COL22A1: variants seen among roughly 807,000 people sequenced by gnomAD.
The protein encoded by COL22A1 is collagen alpha-1(XXII) chain.
COL22A1 carries 221 observed loss-of-function variants against 248.9 expected under a neutral mutation model. The observed-to-expected ratio is 0.89, with a 90% confidence interval of 0.80 to 0.99. The LOEUF is 0.99. Ranked by LOEUF, COL22A1 falls within the 50% of genes least tolerant of loss-of-function variation. COL22A1 has a pLI of 0.00. For synonymous variants in COL22A1, 891 were observed against 793.4 expected, an observed-to-expected ratio of 1.12 and a Z score of -2.07; for missense variants, 2,240 against 2,179.0, an observed-to-expected ratio of 1.03 and a Z score of -0.56.
chr8:138,857,694 G>A (rs1822147910), intron 3 of COL22A1, among the ~76,000 whole-genome samples: 1 of 152,224 alleles, frequency 6.6e-6, no homozygotes, highest in South Asian at 2.1e-4. Context: ...GGTTCCCTCT[G>A]GAATCAATGT....
At chr8:138,640,151 T>A (rs1487712178) in intron 47 of COL22A1, among the ~76,000 whole-genome samples, 1 of 152,232 alleles carries the variant, frequency 6.6e-6, no homozygotes, top group East Asian at 1.9e-4. Context: ...TCTGGTTTAA[T>A]GCTATTCAAT....
intron 16 of COL22A1, among the ~76,000 whole-genome samples, chr8:138,766,421 A>G (rs182208001): frequency 4.6e-5 from 7 of 151,974 alleles, no homozygotes; most frequent in Admixed American, 2.0e-4. Flanking sequence ...GAGGGAAGGA[A>G]ATAAGTGAGA....
chr8:138,744,369 G>C (rs532055718), intron 22 of COL22A1, among the ~76,000 whole-genome samples: 12 of 152,106 alleles, frequency 7.9e-5, no homozygotes, highest in Admixed American at 3.3e-4. Context: ...GCATCCTATC[G>C]GACAGGCATG....
intron 32 of COL22A1, among the ~76,000 whole-genome samples, chr8:138,695,951 G>A (rs767488868): frequency 6.6e-6 from 1 of 152,094 alleles, no homozygotes; most frequent in Non-Finnish European, 1.5e-5. Context: ...CATACAGCCT[G>A]TCTTGGGAGC....
intron 40 of COL22A1, among the ~76,000 whole-genome samples, chr8:138,679,092 AT>A (rs1825774396): frequency 1.3e-5 from 2 of 151,966 alleles, no homozygotes; most frequent in African/African-American, 2.4e-5. Context: ...AATTTTTGAC[AT>A]TTTTTATAGG....
chr8:138,825,521 G>C (rs185469628), intron 6 of COL22A1, among the ~76,000 whole-genome samples: 102 of 152,172 alleles, frequency 6.7e-4, no homozygotes, highest in Non-Finnish European at 8.2e-4. Context: ...TATTCACAGA[G>C]TTATTATGAA....
chr8:138,863,070 T>C (rs1158366945), intron 3 of COL22A1, among the ~76,000 whole-genome samples: 1 of 152,204 alleles, frequency 6.6e-6, no homozygotes, highest in East Asian at 1.9e-4. Context: ...AGGATATAAA[T>C]TGCTGGGTCT....
chr8:138,805,732 G>T (rs1446393091), intron 10 of COL22A1, among the ~76,000 whole-genome samples: 2 of 147,190 alleles, frequency 1.4e-5, no homozygotes, highest in Admixed American at 6.7e-5. Context: ...GTGATGGTGT[G>T]TGTATATGTG....
At chr8:138,661,340 C>T (rs1430016822) in intron 43 of COL22A1, among the ~76,000 whole-genome samples, 1 of 152,192 alleles carries the variant, frequency 6.6e-6, no homozygotes, top group East Asian at 1.9e-4. Context: ...ACTAAAACTA[C>T]AGAGATGAAA....
chr8:138,838,729 ATG>A (rs1428809364), intron 4 of COL22A1, among the ~76,000 whole-genome samples: 1 of 152,154 alleles, frequency 6.6e-6, no homozygotes, highest in African/African-American at 2.4e-5. Context: ...AGAATAAAAA[ATG>A]TTCCCGAGGA....
chr8:138,591,528 T>A, intron 63 of COL22A1, 27 bp from the exon 64 acceptor site: 7 of 1,507,278 alleles, frequency 4.6e-6, no homozygotes, highest in Admixed American at 2.0e-5. Flanking sequence ...GCACTTTTGA[T>A]GGTGGAGACC....
intron 30 of COL22A1, among the ~76,000 whole-genome samples, chr8:138,713,561 C>G (rs898701107): frequency 6.6e-6 from 1 of 152,170 alleles, no homozygotes. Flanking sequence ...ACATCTCGTG[C>G]ATGTGCGGTT....
intron 55 of COL22A1, 58 bp downstream of exon 55, chr8:138,615,943 T>C (rs1819279214): frequency 7.6e-7 from 1 of 1,319,308 alleles, no homozygotes; most frequent in East Asian, 2.3e-5. Flanking sequence ...GGGTGTCACT[T>C]CCTTGATACA....
intron 57 of COL22A1, among the ~76,000 whole-genome samples, chr8:138,607,150 T>C (rs1035989628): frequency 5.9e-5 from 9 of 152,126 alleles, no homozygotes; most frequent in African/African-American, 1.7e-4. Context: ...GATTTTCCAG[T>C]TGGGAAAGTT....
At chr8:138,771,063 G>T (rs760675036) in intron 16 of COL22A1, among the ~76,000 whole-genome samples, 5 of 152,222 alleles carry the variant, frequency 3.3e-5, no homozygotes, top group Admixed American at 6.5e-5. Flanking sequence ...AGGTCACACT[G>T]CTCGCAGAGC....
At chr8:138,728,694 T>C (rs1830500072) in intron 23 of COL22A1, among the ~76,000 whole-genome samples, 1 of 151,778 alleles carries the variant, frequency 6.6e-6, no homozygotes, top group African/African-American at 2.4e-5. Flanking sequence ...TGTCTGACAA[T>C]GAAGAAAACT....
At chr8:138,722,866 G>GGGA (rs1434606361) in intron 25 of COL22A1, among the ~76,000 whole-genome samples, 16 of 77,492 alleles carry the variant, frequency 2.1e-4, no homozygotes, top group Non-Finnish European at 3.1e-4. Flanking sequence ...GGGGGTGGTG[G>GGGA]AAAACACACC....
At chr8:138,710,612 T>TATAG (rs1563649463) in intron 30 of COL22A1, among the ~76,000 whole-genome samples, 1 of 140,076 alleles carries the variant, frequency 7.1e-6, no homozygotes. Context: ...TCTATCTATA[T>TATAG]ATATATATCT....
chr8:138,686,807 C>T (rs1421411925), intron 37 of COL22A1, among the ~76,000 whole-genome samples: 1 of 152,220 alleles, frequency 6.6e-6, no homozygotes, highest in Non-Finnish European at 1.5e-5. Flanking sequence ...TTATAATGTG[C>T]CGTCCTTCAG....
Sources: allele counts gnomAD v4.1 joint callset (sites outside exome capture counted in the v4.1 genomes callset), GRCh38; gene constraint gnomAD v4.1.1; transcripts MANE v1.5; gene names NCBI Gene and HGNC (gene_info 2026-07-23, HGNC 2026-07-21).